IL15: variants seen among roughly 807,000 people sequenced by gnomAD.
IL15 encodes interleukin-15.
A neutral mutation model predicts 19.6 loss-of-function variants in IL15; 11 were observed. The observed-to-expected ratio is 0.56, with a 90% CI of 0.35 to 0.93. The LOEUF (loss-of-function observed/expected upper bound fraction) is 0.93. Among genes scored for constraint, IL15 ranks in the 40% least tolerant of loss-of-function variants. The pLI, the probability that IL15 is intolerant of heterozygous loss-of-function variation, is 0.01. For missense variants in IL15, 197 were observed against 186.5 expected (o/e 1.06, Z -0.33); for synonymous variants, 58 against 59.6 (o/e 0.97, Z 0.12).
intron 6 of IL15, among the ~76,000 whole-genome samples, chr4:141,728,630 G>A (rs1280398484): frequency 6.6e-6 from 1 of 152,004 alleles, no homozygotes; most frequent in African/African-American, 2.4e-5. Context: ...CTTCACGTCA[G>A]GGAAAACAAA....
At chr4:141,694,044 A>T (rs1212530869) in intron 2 of IL15, among the ~76,000 whole-genome samples, 1 of 152,204 alleles carries the variant, frequency 6.6e-6, no homozygotes, top group Non-Finnish European at 1.5e-5. Flanking sequence ...GTGTTGAGAA[A>T]GTTTAAAAAG....
intron 2 of IL15, among the ~76,000 whole-genome samples, chr4:141,657,944 G>C (rs1189707182): frequency 6.6e-6 from 1 of 152,186 alleles, no homozygotes; most frequent in Non-Finnish European, 1.5e-5. Flanking sequence ...ATAATTTTAT[G>C]TTATACTTTT....
At chr4:141,662,569 T>C (rs1028102494) in intron 2 of IL15, among the ~76,000 whole-genome samples, 40 of 152,358 alleles carry the variant, frequency 2.6e-4, no homozygotes, top group Admixed American at 8.5e-4. Context: ...GTTATGTATG[T>C]GCATCTCTTG....
chr4:141,701,090 T>G (rs1182584545), intron 2 of IL15, among the ~76,000 whole-genome samples: 1 of 152,200 alleles, frequency 6.6e-6, no homozygotes, highest in Non-Finnish European at 1.5e-5. Context: ...AGCTGAATAG[T>G]CAACCTTCTG....
At chr4:141,707,721 G>A (rs921983690) in intron 2 of IL15, among the ~76,000 whole-genome samples, 4 of 152,166 alleles carry the variant, frequency 2.6e-5, no homozygotes, top group Non-Finnish European at 5.9e-5. Flanking sequence ...TTGAGGTAGT[G>A]GCATAGTTTT....
intron 2 of IL15, among the ~76,000 whole-genome samples, chr4:141,683,727 G>A (rs1235884395): frequency 6.6e-6 from 1 of 152,146 alleles, no homozygotes; most frequent in African/African-American, 2.4e-5. Context: ...ATTCTCAAGT[G>A]TAATTTCACA....
intron 5 of IL15, among the ~76,000 whole-genome samples, chr4:141,724,882 A>C (rs912916730): frequency 6.6e-6 from 1 of 152,168 alleles, no homozygotes. Context: ...CAGAAGCATT[A>C]ACAACAATTG....
At chr4:141,664,868 C>T (rs1727917654) in intron 2 of IL15, among the ~76,000 whole-genome samples, 1 of 151,990 alleles carries the variant, frequency 6.6e-6, no homozygotes, top group Admixed American at 6.6e-5. Flanking sequence ...GAATATATTA[C>T]TTTTATAGAA....
At position 141,727,991 on chromosome 4, in the gene IL15, A is replaced by T; in HGVS notation, c.240+7A>T. On this transcript the variant is annotated splice_region_variant and intron_variant, in intron 6 of 7. Transcript: ENST00000320650. ...TACGGAAAGTGATGTTCACGTGAGT[A>T]TACTTTTTTTCAAAATTGCTATTTG... is the stretch of plus-strand genomic sequence containing the variant. 7.7e-7 allele frequency: 1 copy of T among 1,300,102 alleles called. No homozygotes were observed. The highest frequency in any genetic ancestry group is 1.1e-6 in the Non-Finnish European group (1 of 918,862). 80.5% of individuals were successfully genotyped at this position (1,300,102 alleles called of 1,614,324 possible).
chr4:141,689,216 C>CA (rs1728815947), intron 2 of IL15, among the ~76,000 whole-genome samples: 1 of 152,144 alleles, frequency 6.6e-6, no homozygotes, highest in South Asian at 2.1e-4. Context: ...AGCAAAAGAA[C>CA]AAAGCTTCCA....
chr4:141,641,777 G>A (rs186386971), intron 1 of IL15, among the ~76,000 whole-genome samples: 4 of 150,724 alleles, frequency 2.7e-5, no homozygotes, highest in Non-Finnish European at 5.9e-5. Context: ...CCAACATGGC[G>A]CATGTATACA....
At chr4:141,638,224 C>G (rs1231766472) in intron 1 of IL15, among the ~76,000 whole-genome samples, 1 of 152,028 alleles carries the variant, frequency 6.6e-6, no homozygotes. Context: ...ACAGCAAAAG[C>G]CATTTAGATT....
chr4:141,652,809 A>G (rs1727454873), intron 1 of IL15, among the ~76,000 whole-genome samples: 2 of 152,170 alleles, frequency 1.3e-5, no homozygotes, highest in South Asian at 4.1e-4. Flanking sequence ...TTTAAGTGTT[A>G]TTCCTGAGGA....
At chr4:141,651,541 G>A (rs559930887) in intron 1 of IL15, among the ~76,000 whole-genome samples, 1 of 152,140 alleles carries the variant, frequency 6.6e-6, no homozygotes, top group East Asian at 1.9e-4. Context: ...ATGCAGTATA[G>A]CCATGTAACA....
At chr4:141,675,096 C>T (rs1259380244) in intron 2 of IL15, among the ~76,000 whole-genome samples, 3 of 151,826 alleles carry the variant, frequency 2.0e-5, no homozygotes, top group African/African-American at 4.8e-5. Context: ...TCCACTTATA[C>T]CCATTTTTTA....
At position 141,733,857 on chromosome 4, in the gene IL15, A is replaced by G. The variant is rs968343594; in HGVS notation, c.*1009A>G. 4 of 152,212 alleles carry G rather than the reference A, an allele frequency of 2.6e-5. No individual in the cohort carries two copies. The highest frequency in any genetic ancestry group is 4.4e-5 in the Non-Finnish European group (3 of 68,028). 9.4% of individuals were successfully genotyped at this position (152,212 alleles called of 1,614,324 possible). ...AAAACCCTGTTGATTTGTTGGAGCCATTGTTATCTGACAGAAAATAATTGT... is the reference window on the plus strand; with the variant it reads ...AAAACCCTGTTGATTTGTTGGAGCCGTTGTTATCTGACAGAAAATAATTGT... On this transcript the variant is annotated 3_prime_UTR_variant, in exon 8 of 8. Transcript: ENST00000320650.
chr4:141,647,207 G>A (rs962860769), intron 1 of IL15, among the ~76,000 whole-genome samples: 3 of 152,016 alleles, frequency 2.0e-5, no homozygotes, highest in Admixed American at 2.0e-4. Context: ...AGAGCACAGC[G>A]AAGAGTCAGA....
At chr4:141,705,595 G>A (rs577175174) in intron 2 of IL15, among the ~76,000 whole-genome samples, 1 of 151,970 alleles carries the variant, frequency 6.6e-6, no homozygotes, top group Admixed American at 6.6e-5. Context: ...GGGCCATTTG[G>A]TCTATGGTAT....
At chr4:141,666,475 C>A (rs530808361) in intron 2 of IL15, among the ~76,000 whole-genome samples, 1 of 152,298 alleles carries the variant, frequency 6.6e-6, no homozygotes, top group East Asian at 1.9e-4. Context: ...CCCATCTCAA[C>A]CTCCTGAGTA....
Sources: gnomAD v4.1 joint callset for allele counts (sites outside exome capture counted in the v4.1 genomes callset) on GRCh38, gnomAD v4.1.1 for gene constraint, MANE v1.5 for transcripts, NCBI Gene and HGNC (gene_info 2026-07-23, HGNC 2026-07-21) for gene names.